The following NCR2 variants were observed in gnomAD, a reference collection of about 807,000 sequenced individuals.
The protein encoded by NCR2 is NK cell activating receptor (NKp44).
NCR2 carries 35 observed loss-of-function variants against 30.7 expected under a neutral mutation model. The observed-to-expected ratio is 1.14, with a 90% confidence interval of 0.87 to 1.51. NCR2 has a LOEUF of 1.51. Ranked by LOEUF, NCR2 falls within the 40% of genes most tolerant of loss-of-function variation. NCR2 has a pLI of 0.00. For missense variants in NCR2, 316 were observed against 328.9 expected, an observed-to-expected ratio of 0.96 and a Z score of 0.30; for synonymous variants, 146 against 134.8, an observed-to-expected ratio of 1.08 and a Z score of -0.58.
In NCR2 at chr6:41,350,804, A is replaced by G. The variant is rs573191021; in HGVS notation, c.771A>G (p.Ile257Met). 123 of 1,221,986 alleles carry G rather than the reference A, an allele frequency of 1.0e-4. 1 individual carries two copies. In the South Asian group the frequency reaches 1.4e-3, roughly 14 times the overall value. 75.7% of individuals were successfully genotyped at this position (1,221,986 alleles called of 1,614,324 possible). The change falls in exon 5 of 5, where the codon ATA becomes ATG. Residue 257 changes from isoleucine (I) to methionine (M), a missense_variant. Coordinates refer to ENST00000373089, the MANE Select transcript of NCR2 (RefSeq NM_004828.4). ...TTTCCTCACCTGTAGAGAGAGAAAT[A>G]TTATATCACACTGTTGCAAGGACTA... The part of the protein sequence containing the change: ...TSVSSPVERE[I>M]LYHTVARTKI...
Position 41,336,433 on chromosome 6 carries a change from G to A in NCR2, c.394+5G>A. The A allele has an allele frequency of 6.2e-7, 1 of 1,608,624 alleles. No individual in the cohort carries two copies. The highest frequency in any genetic ancestry group is 8.5e-7 in the Non-Finnish European group (1 of 1,175,838). On this transcript the variant is annotated splice_donor_5th_base_variant and intron_variant, in intron 2 of 4. Transcript: ENST00000373089. ...TCTATCTGGTGGTATCTCCAGGTGA[G>A]CTCTTTCCCTAGGGTCCTCAGAGGG...
At chr6:41,344,376 C>A (rs1490164902) in intron 4 of NCR2, among the ~76,000 whole-genome samples, 1 of 152,220 alleles carries the variant, frequency 6.6e-6, no homozygotes, top group African/African-American at 2.4e-5. Context: ...CCGTGCCTTG[C>A]CCCAGGCCTG....
At chr6:41,340,615 TCAC>T (rs1352507387) in intron 2 of NCR2, among the ~76,000 whole-genome samples, 3 of 152,220 alleles carry the variant, frequency 2.0e-5, no homozygotes, top group Non-Finnish European at 4.4e-5. Flanking sequence ...AGTTAACTAA[TCAC>T]GGGCTTGGAT....
chr6:41,341,409 G>C (rs1260479079), intron 2 of NCR2, among the ~76,000 whole-genome samples: 1 of 152,130 alleles, frequency 6.6e-6, no homozygotes. Flanking sequence ...CCCACAAGAG[G>C]CTCCCTTCCC....
chr6:41,336,273 G>A lies in NCR2; in HGVS notation c.239G>A (p.Arg80Gln), dbSNP rs375146981. Residue 80 changes from arginine to glutamine, a missense_variant, in exon 2 of 5, where the codon CGA (arginine) becomes CAA (glutamine). Arg to Gln is a conservative substitution (Grantham distance 43). Transcript: ENST00000373089. The stretch of plus-strand genomic sequence containing the variant: ...CCCAGGACGATGGCTTGGACCTCTC[G>A]ATTCACAATCTGGGACGACCCTGAT... ...SKPRTMAWTS[R>Q]FTIWDDPDAG... 4.3e-6 allele frequency: 7 copies of A among 1,613,998 alleles called. No individual in the cohort carries two copies. The highest frequency in any genetic ancestry group is 2.2e-5 in the East Asian group (1 of 44,882).
At chr6:41,342,804 G>A in intron 4 of NCR2, 1 of 842,984 alleles carries the variant, frequency 1.2e-6, no homozygotes, top group African/African-American at 1.7e-5. Context: ...AAGGTGCAGG[G>A]ACAACTCAGT....
intron 2 of NCR2, among the ~76,000 whole-genome samples, chr6:41,341,154 G>A (rs756846416): frequency 3.3e-5 from 5 of 151,992 alleles, no homozygotes; most frequent in South Asian, 2.1e-4. Context: ...ATGCCTTTTC[G>A]ACCTCAACAG....
At chr6:41,344,111 C>A (rs1420796654) in intron 4 of NCR2, among the ~76,000 whole-genome samples, 1 of 152,106 alleles carries the variant, frequency 6.6e-6, no homozygotes, top group African/African-American at 2.4e-5. Flanking sequence ...TCCCCGCCTC[C>A]TAGATTGTTC....
At chr6:41,346,055 T>C (rs997177199) in intron 4 of NCR2, among the ~76,000 whole-genome samples, 4 of 152,198 alleles carry the variant, frequency 2.6e-5, no homozygotes, top group Non-Finnish European at 5.9e-5. Flanking sequence ...AGTAGCTTTC[T>C]GCCATTAGGC....
chr6:41,349,742 A>C (rs1769385358), intron 4 of NCR2, among the ~76,000 whole-genome samples: 1 of 152,128 alleles, frequency 6.6e-6, no homozygotes, highest in Non-Finnish European at 1.5e-5. Flanking sequence ...CCTACTAAAC[A>C]CACAACTTTC....
chr6:41,348,892 C>T (rs1036020697), intron 4 of NCR2, among the ~76,000 whole-genome samples: 10 of 152,030 alleles, frequency 6.6e-5, no homozygotes, highest in African/African-American at 2.4e-4. Flanking sequence ...GTGCTTCTGA[C>T]AAGAAAGTGA....
Position 41,342,028 on chromosome 6 carries a change from C to A in NCR2, c.531-8C>A. 6.2e-7 allele frequency: 1 copy of A among 1,613,960 alleles called. No individual in the cohort carries two copies. Among genetic ancestry groups the A allele is most frequent in the East Asian group, 2.2e-5 (1 of 44,858 alleles). ...GTCCTCTCCCCTTCCTGTCCCTCTGCCTTCCAGGCCACAGAACTCCACGCT... is the reference window on the plus strand; with the variant it reads ...GTCCTCTCCCCTTCCTGTCCCTCTGACTTCCAGGCCACAGAACTCCACGCT... On this transcript the variant is annotated splice_region_variant and splice_polypyrimidine_tract_variant and intron_variant, in intron 3 of 4. Transcript: ENST00000373089.
intron 4 of NCR2, among the ~76,000 whole-genome samples, chr6:41,343,893 T>C (rs888858572): frequency 2.0e-5 from 3 of 152,262 alleles, no homozygotes; most frequent in Admixed American, 2.0e-4. Context: ...GAGCTCAGTC[T>C]AAATCAATGG....
chr6:41,338,786 T>C (rs981360864), intron 2 of NCR2, among the ~76,000 whole-genome samples: 3 of 152,218 alleles, frequency 2.0e-5, no homozygotes, highest in African/African-American at 7.2e-5. Flanking sequence ...TATGTTGACC[T>C]AAGGCGTCAA....
At chr6:41,340,198 G>A (rs995202228) in intron 2 of NCR2, among the ~76,000 whole-genome samples, 1 of 145,464 alleles carries the variant, frequency 6.9e-6, no homozygotes, top group Non-Finnish European at 1.5e-5. Flanking sequence ...GTCTCACTCT[G>A]TCACCCAGGC....
Position 41,346,501 on chromosome 6 carries a change from C to T in NCR2, c.645-4177C>T, listed in dbSNP as rs148835390. On this transcript the variant is annotated intron_variant, in intron 4 of 4. Transcript: ENST00000373089. The stretch of plus-strand genomic sequence containing the variant: ...TTTCCCTTAGATTCCATGATCCAAC[C>T]TCAAATCAGTCTTTGGCACACAGCC... 2.0e-3 allele frequency among the ~76,000 whole-genome samples: 303 copies of T among 152,282 alleles called. 3 individuals are homozygous for T. The highest frequency in any genetic ancestry group is 0.018 in the Admixed American group (269 of 15,286).
intron 2 of NCR2, among the ~76,000 whole-genome samples, chr6:41,339,074 T>C (rs544207247): frequency 6.6e-6 from 1 of 152,352 alleles, no homozygotes; most frequent in East Asian, 1.9e-4. Flanking sequence ...TTTTGTTTTG[T>C]TTTATTTCGT....
chr6:41,349,080 A>C (rs956757978), intron 4 of NCR2, among the ~76,000 whole-genome samples: 1 of 147,094 alleles, frequency 6.8e-6, no homozygotes, highest in Non-Finnish European at 1.5e-5. Context: ...TTATATTTTT[A>C]ATATATTTTA....
intron 4 of NCR2, among the ~76,000 whole-genome samples, chr6:41,344,920 C>T (rs971119519): frequency 2.6e-5 from 4 of 152,192 alleles, no homozygotes; most frequent in Non-Finnish European, 5.9e-5. Flanking sequence ...CTAGAAAGGA[C>T]TCTTAGCTGT....
Sources: gnomAD v4.1 joint callset for allele counts (sites outside exome capture counted in the v4.1 genomes callset) on GRCh38, gnomAD v4.1.1 for gene constraint, MANE v1.5 for transcripts, NCBI Gene and HGNC (gene_info 2026-07-23, HGNC 2026-07-21) for gene names.